Variants in AJAP1 observed in about 807,000 individuals in gnomAD.
AJAP1 encodes adherens junction-associated protein 1.
Under a neutral mutation model 35.0 loss-of-function variants are expected in AJAP1, and 5 were observed. That is an observed-to-expected ratio of 0.14 (90% confidence interval 0.07 to 0.30). AJAP1 has a LOEUF of 0.30. Ranked by LOEUF, AJAP1 falls within the 10% of genes least tolerant of loss-of-function variation. The pLI, the probability that AJAP1 is intolerant of heterozygous loss-of-function variation, is 1.00. For synonymous variants in AJAP1, 284 were observed against 249.3 expected (o/e 1.14, Z -1.31); for missense variants, 586 against 571.0 (o/e 1.03, Z -0.27).
chr1:4,684,504 G>A (rs1639563002), intron 1 of AJAP1, among the ~76,000 whole-genome samples: 1 of 152,154 alleles, frequency 6.6e-6, no homozygotes, highest in African/African-American at 2.4e-5. Context: ...GGGAGGGGAA[G>A]GGAGTACCTT....
intron 2 of AJAP1, among the ~76,000 whole-genome samples, chr1:4,750,475 T>C (rs1641296717): frequency 6.6e-6 from 1 of 152,130 alleles, no homozygotes; most frequent in Admixed American, 6.5e-5. Flanking sequence ...GAAAAGTGCA[T>C]GTGGCAGCCA....
intron 1 of AJAP1, among the ~76,000 whole-genome samples, chr1:4,702,634 C>T (rs116474358): frequency 1.8e-3 from 280 of 152,256 alleles, no homozygotes; most frequent in African/African-American, 6.4e-3. Flanking sequence ...CTGGGGCTCC[C>T]GGTGAGGCCA....
At chr1:4,773,741 G>A (rs1270141139) in intron 4 of AJAP1, among the ~76,000 whole-genome samples, 1 of 152,244 alleles carries the variant, frequency 6.6e-6, no homozygotes, top group Non-Finnish European at 1.5e-5. Context: ...GCTTGGACGT[G>A]AATCTGGGCC....
rs1477635427 is a variant in AJAP1 at position 4,655,166 on chromosome 1, C to A, written c.-260C>A. 2 of 148,770 alleles carry A rather than the reference C, an allele frequency of 1.3e-5. No homozygotes were observed. Among genetic ancestry groups the A allele is most frequent in the African/African-American group, 4.9e-5 (2 of 41,040 alleles). 9.2% of individuals were successfully genotyped at this position (148,770 alleles called of 1,614,324 possible). On this transcript the variant is annotated 5_prime_UTR_variant, in exon 1 of 6. Coordinates refer to ENST00000378191, the MANE Select transcript of AJAP1 (RefSeq NM_018836.4). This position sits in a 1 kb window ranked among gnomAD's most constrained non-coding sequence, Gnocchi z 6.9. ...CGCCGGCGGAGGGGGCCGCGAGCCCCGCGCCCCGGCCGGAGGATGTGCGCC... is the reference window on the plus strand; with the variant it reads ...CGCCGGCGGAGGGGGCCGCGAGCCCAGCGCCCCGGCCGGAGGATGTGCGCC...
At chr1:4,748,747 CAAAAAAAAAAAA>C (rs70955802) in intron 2 of AJAP1, among the ~76,000 whole-genome samples, 32 of 98,300 alleles carry the variant, frequency 3.3e-4, no homozygotes, top group Admixed American at 1.5e-3. Context: ...GACTCTGTCT[CAAAAAAAAAAAA>C]AAAAAAAAAA....
Position 4,786,310 on chromosome 1 carries a change from T to C in AJAP1, c.*3825T>C, listed in dbSNP as rs1036702816. The stretch of plus-strand genomic sequence containing the variant: ...TTGCCAATCTTGAACTTGAGTGGAC[T>C]TCTCATATTACATTCAGCTCCCAGA... On this transcript the variant is annotated 3_prime_UTR_variant, in exon 6 of 6. Transcript: ENST00000378191. 2 of 152,166 alleles carry C rather than the reference T, an allele frequency of 1.3e-5. No homozygotes were observed. Among genetic ancestry groups the C allele is most frequent in the Non-Finnish European group, 2.9e-5 (2 of 68,036 alleles). 9.4% of individuals were successfully genotyped at this position (152,166 alleles called of 1,614,324 possible). A position where few individuals can be genotyped will look rare whatever the true frequency, so the allele number is the denominator to read the frequency against.
intron 2 of AJAP1, among the ~76,000 whole-genome samples, chr1:4,737,772 T>C (rs996856111): frequency 2.0e-5 from 3 of 152,170 alleles, no homozygotes; most frequent in African/African-American, 7.2e-5. Context: ...TAGTGGTGCA[T>C]GCACCTGTGG....
chr1:4,702,668 C>T (rs1640014782), intron 1 of AJAP1, among the ~76,000 whole-genome samples: 1 of 152,142 alleles, frequency 6.6e-6, no homozygotes, highest in Non-Finnish European at 1.5e-5. Flanking sequence ...AGGGAGTGCT[C>T]CTCCCTGTAA....
At chr1:4,728,847 G>A (rs374761673) in intron 2 of AJAP1, among the ~76,000 whole-genome samples, 111 of 152,148 alleles carry the variant, frequency 7.3e-4, no homozygotes, top group African/African-American at 2.4e-3. Flanking sequence ...CCTCCCTGCC[G>A]ATGGGCTCTC....
chr1:4,740,873 GA>G (rs1383331822), intron 2 of AJAP1, among the ~76,000 whole-genome samples: 3 of 150,464 alleles, frequency 2.0e-5, no homozygotes, highest in Non-Finnish European at 4.4e-5. Flanking sequence ...ATTTTAAAAA[GA>G]GAAAGGATCT....
intron 5 of AJAP1, among the ~76,000 whole-genome samples, chr1:4,780,183 C>T (rs1642032488): frequency 1.3e-5 from 2 of 150,150 alleles, no homozygotes; most frequent in African/African-American, 4.9e-5. Flanking sequence ...TTATGCGTGT[C>T]TAGTTCAATG....
Position 4,772,406 on chromosome 1 carries a change from G to T in AJAP1, c.1044G>T (p.Thr348=). ...ARVPSSLDIF[T]AYNETLQCSH... ...TGCCCAGCAGCCTGGACATATTCAC[G>T]GCCTATAACGAGACCCTGCAGTGTT... The change falls in exon 4 of 6, where the codon ACG becomes ACT. Residue 348 remains threonine (T), a synonymous_variant. Coordinates refer to ENST00000378191, the MANE Select transcript of AJAP1 (RefSeq NM_018836.4). 1.2e-6 allele frequency: 2 copies of T among 1,614,212 alleles called. 1 individual carries two copies. Among genetic ancestry groups the T allele is most frequent in the South Asian group, 2.2e-5 (2 of 91,084 alleles).
At chr1:4,738,961 C>T (rs935659655) in intron 2 of AJAP1, among the ~76,000 whole-genome samples, 7 of 151,592 alleles carry the variant, frequency 4.6e-5, no homozygotes, top group South Asian at 2.1e-4. Context: ...GTGGGAAGGG[C>T]GTGGGGGCAC....
intron 2 of AJAP1, among the ~76,000 whole-genome samples, chr1:4,764,386 C>T (rs973649270): frequency 3.3e-5 from 5 of 152,182 alleles, no homozygotes; most frequent in Non-Finnish European, 2.9e-5. Context: ...CTGACTCAGA[C>T]GAAGCCTAAT....
At chr1:4,746,518 C>T (rs903455281) in intron 2 of AJAP1, among the ~76,000 whole-genome samples, 2 of 152,106 alleles carry the variant, frequency 1.3e-5, no homozygotes, top group Non-Finnish European at 2.9e-5. Context: ...GAGCACCTGG[C>T]ATAGAGCAAG....
At position 4,789,253 on chromosome 1, in the gene AJAP1, C is replaced by A. The variant is rs912094093; in HGVS notation, c.*6768C>A. On this transcript the variant is annotated 3_prime_UTR_variant, in exon 6 of 6. Coordinates refer to ENST00000378191, the MANE Select transcript of AJAP1 (RefSeq NM_018836.4). The surrounding 1 kb of genome is among the most constrained non-coding windows in gnomAD (Gnocchi z 4.4). Reference sequence around the variant, plus strand: ...TCATGTAGGCTGGAATCAGAACCTACGTATGCTGTAGATAACAGTCAATTA... The same window carrying A: ...TCATGTAGGCTGGAATCAGAACCTAAGTATGCTGTAGATAACAGTCAATTA... 1 of 152,180 alleles carries A rather than the reference C, an allele frequency of 6.6e-6. No homozygotes were observed. Among genetic ancestry groups the A allele is most frequent in the Non-Finnish European group, 1.5e-5 (1 of 68,046 alleles). 9.4% of individuals were successfully genotyped at this position (152,180 alleles called of 1,614,324 possible).
At position 4,766,959 on chromosome 1, in the gene AJAP1, A is replaced by G. The variant is rs142131907; in HGVS notation, c.830-2894A>G. 3.3e-4 allele frequency among the ~76,000 whole-genome samples: 50 copies of G among 152,266 alleles called. No individual in the cohort carries two copies. In the East Asian group the frequency reaches 7.1e-3, roughly 22 times the overall value. ...CTAGGTGCATCGAGGGATCCTGTAG[A>G]AAGCATAGCTGTTGTATTGCGTGTG... On this transcript the variant is annotated intron_variant, in intron 2 of 5. Transcript: ENST00000378191.
rs140885434 is a variant in AJAP1, at chr1:4,697,985, G to A, written c.30-13915G>A. Among the ~76,000 whole-genome samples the A allele has an allele frequency of 6.4e-3, 973 of 152,318 alleles. 8 individuals carry two copies. The highest frequency in any genetic ancestry group is 0.022 in the African/African-American group (896 of 41,562). ...CTCTGCACCAGCGTGGGGTGGTGGC[G>A]GGCAGCCGGCAGGAGATTAAGCTGT... On this transcript the variant is annotated intron_variant, in intron 1 of 5. Transcript: ENST00000378191.
At chr1:4,715,044 A>G (rs916914546) in intron 2 of AJAP1, among the ~76,000 whole-genome samples, 2 of 152,126 alleles carry the variant, frequency 1.3e-5, no homozygotes, top group Non-Finnish European at 1.5e-5. Context: ...GGGATGGGGC[A>G]GGGGGAGGAA....
Sources: allele counts gnomAD v4.1 joint callset (sites outside exome capture counted in the v4.1 genomes callset), GRCh38; gene constraint gnomAD v4.1.1; non-coding constraint Gnocchi (gnomAD v3.1); transcripts MANE v1.5; gene names NCBI Gene and HGNC (gene_info 2026-07-23, HGNC 2026-07-21).